Variants in GALNT13 observed in about 807,000 individuals in gnomAD.
The protein encoded by GALNT13 is UDP-GalNAc:polypeptide N-acetylgalactosaminyltransferase 13.
A neutral mutation model predicts 64.2 loss-of-function variants in GALNT13; 28 were observed. That is an observed-to-expected ratio of 0.44 (90% CI 0.32 to 0.60). The LOEUF (loss-of-function observed/expected upper bound fraction) is 0.60, where lower values mean the gene tolerates loss of function less well. Among genes scored for constraint, GALNT13 ranks in the 20% least tolerant of loss-of-function variants. The pLI is 0.05. For missense variants in GALNT13, 577 were observed against 669.8 expected, an observed-to-expected ratio of 0.86 and a Z score of 1.53; for synonymous variants, 214 against 224.6, an observed-to-expected ratio of 0.95 and a Z score of 0.42.
chr2:153,311,294 G>A, the GALNT13 span, among the ~76,000 whole-genome samples: 2 of 152,174 alleles, frequency 1.3e-5, no homozygotes, highest in African/African-American at 4.8e-5. Flanking sequence ...ATTTGGAGAA[G>A]TAGGATTTAT....
chr2:154,285,381 T>G (rs1692206033), intron 8 of GALNT13, among the ~76,000 whole-genome samples: 1 of 152,150 alleles, frequency 6.6e-6, no homozygotes, highest in African/African-American at 2.4e-5. Context: ...TTTTATCCAA[T>G]TTGAGTTGAT....
At chr2:153,366,464 A>T in the GALNT13 span, among the ~76,000 whole-genome samples, 9 of 152,094 alleles carry the variant, frequency 5.9e-5, no homozygotes, top group Non-Finnish European at 1.2e-4. Flanking sequence ...AATTATCTAA[A>T]CTGAAACACA....
the GALNT13 span, among the ~76,000 whole-genome samples, chr2:153,495,328 A>C: frequency 1.4e-5 from 2 of 143,884 alleles, no homozygotes; most frequent in African/African-American, 2.8e-5. Flanking sequence ...CAAACAAACA[A>C]CAACAACAAA....
chr2:153,876,888 T>C (rs1219987308), intron 1 of GALNT13, among the ~76,000 whole-genome samples: 2 of 152,148 alleles, frequency 1.3e-5, no homozygotes, highest in Admixed American at 1.3e-4. Flanking sequence ...GACATGCTTT[T>C]CCTTTAAGGG....
At chr2:154,361,195 C>G (rs1697048222) in intron 9 of GALNT13, among the ~76,000 whole-genome samples, 2 of 152,068 alleles carry the variant, frequency 1.3e-5, no homozygotes, top group South Asian at 4.1e-4. Context: ...GTGATCAACA[C>G]TGCTGGTATT....
chr2:154,308,927 C>T (rs939814176), intron 9 of GALNT13, among the ~76,000 whole-genome samples: 4 of 152,030 alleles, frequency 2.6e-5, no homozygotes, highest in Non-Finnish European at 4.4e-5. Flanking sequence ...GGCATTAGGT[C>T]AACATTTATT....
the GALNT13 span, among the ~76,000 whole-genome samples, chr2:153,365,490 C>T: frequency 3.9e-4 from 59 of 152,154 alleles, no homozygotes; most frequent in African/African-American, 1.4e-3. Context: ...TTGCAATCTA[C>T]CCATCTGACA....
the GALNT13 span, among the ~76,000 whole-genome samples, chr2:153,170,206 CT>C: frequency 6.6e-6 from 1 of 151,996 alleles, no homozygotes; most frequent in Non-Finnish European, 1.5e-5. Context: ...CAAAATAAAC[CT>C]AATACGTTCC....
chr2:154,253,743 G>C (rs1006676181), intron 7 of GALNT13, among the ~76,000 whole-genome samples: 1 of 152,140 alleles, frequency 6.6e-6, no homozygotes, highest in Admixed American at 6.5e-5. Context: ...CAATTTAGCA[G>C]GTGCGAGCAA....
intron 4 of GALNT13, among the ~76,000 whole-genome samples, chr2:154,151,640 A>G (rs943489928): frequency 1.1e-4 from 16 of 152,262 alleles, no homozygotes; most frequent in African/African-American, 3.6e-4. Context: ...TATATTTAGG[A>G]TAGTTAGCTC....
At chr2:154,181,472 A>G (rs1685955144) in intron 4 of GALNT13, among the ~76,000 whole-genome samples, 2 of 152,102 alleles carry the variant, frequency 1.3e-5, no homozygotes, top group Admixed American at 1.3e-4. Flanking sequence ...TTTAGGTTTT[A>G]TTACTTGATT....
chr2:154,297,396 T>C (rs1178763394), intron 8 of GALNT13, among the ~76,000 whole-genome samples: 1 of 152,098 alleles, frequency 6.6e-6, no homozygotes, highest in Non-Finnish European at 1.5e-5. Context: ...GCCTCACATA[T>C]GGCCTGTGAG....
chr2:153,534,518 C>A, the GALNT13 span, among the ~76,000 whole-genome samples: 4 of 123,776 alleles, frequency 3.2e-5, no homozygotes, highest in African/African-American at 1.4e-4. Flanking sequence ...GCCCCTCTTT[C>A]TTTCTTTCTT....
At chr2:153,166,622 TGTGTGTG>T in the GALNT13 span, among the ~76,000 whole-genome samples, 1 of 9,456 alleles carries the variant, frequency 1.1e-4, no homozygotes, top group African/African-American at 7.8e-4. Context: ...GCCTACTGCA[TGTGTGTG>T]TGTGTGTGTG....
chr2:154,124,620 G>C (rs570839013), intron 3 of GALNT13, among the ~76,000 whole-genome samples: 2 of 152,008 alleles, frequency 1.3e-5, no homozygotes, highest in South Asian at 4.2e-4. Context: ...CACTATTCTT[G>C]TAATATTACA....
the GALNT13 span, among the ~76,000 whole-genome samples, chr2:153,819,087 A>G: frequency 6.6e-6 from 1 of 151,834 alleles, no homozygotes; most frequent in East Asian, 1.9e-4. Context: ...GCATCTGATC[A>G]TTTCTCCCAG....
chr2:153,348,938 C>T, the GALNT13 span, among the ~76,000 whole-genome samples: 1 of 152,258 alleles, frequency 6.6e-6, no homozygotes, highest in East Asian at 1.9e-4. Flanking sequence ...CCTTTTGAAG[C>T]TTCCATTGTG....
chr2:154,365,874 A>C (rs1157934060), intron 9 of GALNT13, among the ~76,000 whole-genome samples: 1 of 152,172 alleles, frequency 6.6e-6, no homozygotes, highest in East Asian at 1.9e-4. Context: ...GAAGAGTAAT[A>C]AGTATTTTCC....
At chr2:153,187,744 T>C in the GALNT13 span, among the ~76,000 whole-genome samples, 1 of 152,174 alleles carries the variant, frequency 6.6e-6, no homozygotes, top group African/African-American at 2.4e-5. Flanking sequence ...TATTCCTTTA[T>C]CGGACAGAAT....
Sources: allele counts gnomAD v4.1 joint callset (sites outside exome capture counted in the v4.1 genomes callset), GRCh38; gene constraint gnomAD v4.1.1; transcripts MANE v1.5; gene names NCBI Gene and HGNC (gene_info 2026-07-23, HGNC 2026-07-21).